Variants in TRAPPC9 observed in about 807,000 individuals in gnomAD.
TRAPPC9 encodes the protein IKK2 binding protein.
Under a neutral mutation model 124.0 loss-of-function variants are expected in TRAPPC9, and 83 were observed. The observed-to-expected ratio is 0.67, with a 90% CI of 0.56 to 0.80. The LOEUF (loss-of-function observed/expected upper bound fraction) is 0.80, where lower values mean the gene tolerates loss of function less well. TRAPPC9 is among the 30% of genes least tolerant of loss of function. The probability of loss-of-function intolerance (pLI) is 0.00; values close to 1 mark genes in which losing one functional copy is unlikely to be tolerated. For missense variants in TRAPPC9, 1,302 were observed against 1,508.3 expected (o/e 0.86, Z 2.27); for synonymous variants, 638 against 617.5 (o/e 1.03, Z -0.49).
rs1387392661 is a variant in TRAPPC9 at position 140,051,575 on chromosome 8, TC to T, written c.2557-27497del. Among the ~76,000 whole-genome samples the T allele has an allele frequency of 9.8e-3, 1,389 of 141,178 alleles. 23 individuals carry two copies. Among genetic ancestry groups the T allele is most frequent in the African/African-American group, 0.036 (1,313 of 36,050 alleles). The allele number at this position is 141,178 out of a possible 152,430, so 92.6% of individuals were successfully genotyped here. Reference sequence around the variant, plus strand: ...ACCCACACAGGAAAACATTGTTCATTCTTTTTTTTTTTTTTTTTTTTTTTGC... The same window carrying T: ...ACCCACACAGGAAAACATTGTTCATTTTTTTTTTTTTTTTTTTTTTTTTGC... On this transcript the variant is annotated intron_variant, in intron 17 of 22. Coordinates refer to ENST00000438773, the MANE Select transcript of TRAPPC9 (RefSeq NM_001160372.4).
intron 17 of TRAPPC9, among the ~76,000 whole-genome samples, chr8:140,066,522 A>G (rs111996239): frequency 4.3e-4 from 66 of 152,356 alleles, no homozygotes; most frequent in African/African-American, 1.5e-3. Flanking sequence ...GACCTGTGAG[A>G]TTGAGAATAC....
chr8:140,457,226 A>AG (rs2071707554), intron 1 of TRAPPC9, among the ~76,000 whole-genome samples: 1 of 151,948 alleles, frequency 6.6e-6, no homozygotes, highest in African/African-American at 2.4e-5. Flanking sequence ...AGCCAGGCCC[A>AG]GGGGCGGGGG....
intron 21 of TRAPPC9, among the ~76,000 whole-genome samples, chr8:139,809,752 A>ACC (rs1563831341): frequency 6.6e-6 from 1 of 151,798 alleles, no homozygotes; most frequent in Non-Finnish European, 1.5e-5. Flanking sequence ...ACAAGAGCCA[A>ACC]CCCCCACCTC....
chr8:140,116,029 G>A (rs1356242982), intron 17 of TRAPPC9, among the ~76,000 whole-genome samples: 1 of 152,194 alleles, frequency 6.6e-6, no homozygotes, highest in East Asian at 1.9e-4. Flanking sequence ...CATAAAAGGT[G>A]AGGAAGGCTG....
intron 17 of TRAPPC9, among the ~76,000 whole-genome samples, chr8:140,158,873 C>T (rs910234470): frequency 1.3e-5 from 2 of 152,218 alleles, no homozygotes; most frequent in African/African-American, 4.8e-5. Context: ...ACTTATTTGA[C>T]ACGATTTTAC....
chr8:140,043,549 C>T (rs1478081231), intron 17 of TRAPPC9, among the ~76,000 whole-genome samples: 1 of 152,336 alleles, frequency 6.6e-6, no homozygotes, highest in East Asian at 1.9e-4. Context: ...CATCCTGAGG[C>T]CTGATGGGTC....
intron 5 of TRAPPC9, among the ~76,000 whole-genome samples, chr8:140,422,412 A>C (rs900218136): frequency 2.0e-5 from 3 of 152,196 alleles, no homozygotes; most frequent in Non-Finnish European, 4.4e-5. Context: ...GAATGAAAGA[A>C]AAATTTTGCG....
At chr8:140,043,589 G>A (rs1841397463) in intron 17 of TRAPPC9, among the ~76,000 whole-genome samples, 3 of 152,308 alleles carry the variant, frequency 2.0e-5, no homozygotes, top group East Asian at 3.9e-4. Flanking sequence ...TCCATTCACA[G>A]CACATCTGAA....
chr8:140,142,307 T>C (rs577142190), intron 17 of TRAPPC9, among the ~76,000 whole-genome samples: 17 of 152,340 alleles, frequency 1.1e-4, no homozygotes, highest in African/African-American at 3.8e-4. Flanking sequence ...AGGCACACAA[T>C]AGACAATGTG....
At chr8:140,221,679 A>C in intron 16 of TRAPPC9, 96 bp from the exon 17 acceptor site, 1 of 1,487,028 alleles carries the variant, frequency 6.7e-7, no homozygotes, top group Non-Finnish European at 9.0e-7. Flanking sequence ...GCTCTGTCGC[A>C]CAAGCTGGAG....
At chr8:139,922,648 G>T (rs1261797462) in intron 19 of TRAPPC9, among the ~76,000 whole-genome samples, 1 of 152,240 alleles carries the variant, frequency 6.6e-6, no homozygotes, top group African/African-American at 2.4e-5. Flanking sequence ...AGGAGGGCAG[G>T]TGAGGCAGGG....
At chr8:140,029,667 A>C (rs543068229) in intron 17 of TRAPPC9, among the ~76,000 whole-genome samples, 26 of 151,010 alleles carry the variant, frequency 1.7e-4, no homozygotes, top group African/African-American at 6.0e-4. Context: ...CTCCCAAAAG[A>C]AACCCCAAGC....
chr8:139,858,825 G>T (rs1023211177), intron 21 of TRAPPC9, among the ~76,000 whole-genome samples: 1 of 150,194 alleles, frequency 6.7e-6, no homozygotes, highest in Admixed American at 6.6e-5. Context: ...TGTGAATCCG[G>T]GGGGGGCACA....
At chr8:140,304,534 C>T (rs906392394) in intron 10 of TRAPPC9, among the ~76,000 whole-genome samples, 1 of 152,156 alleles carries the variant, frequency 6.6e-6, no homozygotes, top group Non-Finnish European at 1.5e-5. Context: ...ACTGCCCAGG[C>T]CTTCCTTCAG....
intron 21 of TRAPPC9, among the ~76,000 whole-genome samples, chr8:139,871,280 G>C (rs1289034187): frequency 1.3e-5 from 2 of 152,304 alleles, no homozygotes; most frequent in South Asian, 2.1e-4. Flanking sequence ...ATGCTATGTT[G>C]AGTCCATTTT....
chr8:140,098,513 A>G (rs2060500070), intron 17 of TRAPPC9: 1 of 152,000 alleles, frequency 6.6e-6, no homozygotes, highest in Non-Finnish European at 1.5e-5. Flanking sequence ...ACACCCGGCT[A>G]GGTCTCTGTA....
chr8:140,167,345 G>A (rs892134969), intron 17 of TRAPPC9, among the ~76,000 whole-genome samples: 16 of 152,180 alleles, frequency 1.1e-4, no homozygotes, highest in African/African-American at 3.9e-4. Context: ...GGGGTGAAGT[G>A]GTTTAAGGAC....
chr8:139,890,898 C>T (rs560231276), intron 20 of TRAPPC9, among the ~76,000 whole-genome samples: 2 of 151,154 alleles, frequency 1.3e-5, no homozygotes, highest in South Asian at 4.3e-4. Flanking sequence ...ATATCTGTGG[C>T]TGTCTGTGCC....
chr8:140,285,207 T>C (rs973314127), intron 13 of TRAPPC9, among the ~76,000 whole-genome samples: 1 of 152,204 alleles, frequency 6.6e-6, no homozygotes, highest in African/African-American at 2.4e-5. Context: ...AAGAACTGCG[T>C]GACTAAGGCT....
Sources: gnomAD v4.1 joint callset for allele counts (sites outside exome capture counted in the v4.1 genomes callset) on GRCh38, gnomAD v4.1.1 for gene constraint, MANE v1.5 for transcripts, NCBI Gene and HGNC (gene_info 2026-07-23, HGNC 2026-07-21) for gene names.